Variants in NID2 observed in about 807,000 individuals in gnomAD.
The protein encoded by NID2 is nidogen 2.
NID2 carries 83 observed loss-of-function variants against 145.4 expected under a neutral mutation model. The ratio of observed to expected loss-of-function variants is 0.57; its 90% confidence interval spans 0.48 to 0.69. The LOEUF (loss-of-function observed/expected upper bound fraction) is 0.69. Ranked by LOEUF, NID2 falls within the 30% of genes least tolerant of loss-of-function variation. NID2 has a pLI of 0.00. For missense variants in NID2, 1,807 were observed against 1,765.7 expected (o/e 1.02, Z -0.42); for synonymous variants, 739 against 701.3 (o/e 1.05, Z -0.85).
chr14:52,040,009 C>A (rs886288403), intron 8 of NID2, among the ~76,000 whole-genome samples: 1 of 152,182 alleles, frequency 6.6e-6, no homozygotes, highest in Admixed American at 6.5e-5. Flanking sequence ...GGCACAATCT[C>A]GGCTCACTGC....
intron 9 of NID2, among the ~76,000 whole-genome samples, chr14:52,033,691 C>T (rs1891957513): frequency 6.6e-6 from 1 of 152,190 alleles, no homozygotes; most frequent in African/African-American, 2.4e-5. Flanking sequence ...AAAGAAAAAA[C>T]TTTTGGGTGT....
intron 19 of NID2, chr14:52,006,988 C>A: frequency 5.5e-6 from 1 of 181,414 alleles, no homozygotes; most frequent in Non-Finnish European, 1.2e-5. Context: ...TGGGTAAATA[C>A]TTGCCCTTTG....
At chr14:52,026,273 C>A (rs1891583024) in intron 12 of NID2, among the ~76,000 whole-genome samples, 1 of 152,214 alleles carries the variant, frequency 6.6e-6, no homozygotes, top group African/African-American at 2.4e-5. Context: ...CCAGGAATTG[C>A]AAAGCTGTTC....
chr14:52,041,787 A>C (rs1314796889), intron 7 of NID2, among the ~76,000 whole-genome samples: 1 of 152,224 alleles, frequency 6.6e-6, no homozygotes, highest in Non-Finnish European at 1.5e-5. Context: ...CATTTGACAG[A>C]TCTGTGCATA....
At position 52,038,773 on chromosome 14, in the gene NID2, A is replaced by G. The variant is rs988004444; in HGVS notation, c.2231T>C (p.Val744Ala). The G allele has an allele frequency of 3.8e-6, 6 of 1,592,926 alleles. No homozygotes were observed. The highest frequency in any genetic ancestry group is 5.1e-6 in the Non-Finnish European group (6 of 1,169,844). ...NDEERVLRFA[V>A]TNQIGPVKED... is the part of the protein sequence containing the mutation. ...TTTGACCGGGCCAATTTGATTGGTC[A>G]CAGCAAATCTAAGCACTCTTTCTTC... The change falls in exon 9 of 22, where the codon GTG becomes GCG. Residue 744 changes from valine to alanine, a missense_variant. By Grantham distance (64) the Val-to-Ala change is moderately conservative. Coordinates refer to ENST00000216286, the MANE Select transcript of NID2 (RefSeq NM_007361.4).
At chr14:52,015,610 G>A (rs1891190914) in intron 14 of NID2, among the ~76,000 whole-genome samples, 2 of 152,190 alleles carry the variant, frequency 1.3e-5, no homozygotes, top group African/African-American at 4.8e-5. Context: ...CTGGCCAGGA[G>A]AGGCCCACAA....
intron 9 of NID2, among the ~76,000 whole-genome samples, chr14:52,037,221 T>G (rs1892104626): frequency 1.3e-5 from 2 of 152,310 alleles, no homozygotes; most frequent in African/African-American, 2.4e-5. Context: ...AACAATAGTT[T>G]AAAAGACTAT....
chr14:52,048,987 G>A (rs754349725), intron 5 of NID2, among the ~76,000 whole-genome samples: 13 of 152,068 alleles, frequency 8.5e-5, no homozygotes, highest in Non-Finnish European at 1.6e-4. Context: ...GCCTCCTCTG[G>A]GACCCACACT....
At chr14:52,047,825 T>C (rs1450612125) in intron 5 of NID2, among the ~76,000 whole-genome samples, 1 of 151,972 alleles carries the variant, frequency 6.6e-6, no homozygotes, top group Non-Finnish European at 1.5e-5. Context: ...GAATAACAAC[T>C]TACACCCTCA....
rs144734532 is a variant in NID2, at chr14:52,024,661, A to G, written c.2674+2540T>C. Among the ~76,000 whole-genome samples the G allele has an allele frequency of 1.2e-3, 185 of 152,320 alleles. 3 individuals are homozygous for G. Among genetic ancestry groups the G allele is most frequent in the East Asian group, 7.3e-3 (38 of 5,182 alleles). On this transcript the variant is annotated intron_variant, in intron 12 of 21. Transcript: ENST00000216286. ...TTTATTATACAGCAATAGATAACCA[A>G]TACACTGGGGGAAGCACCTGATGGG...
chr14:52,030,644 A>T (rs956418577), intron 9 of NID2, among the ~76,000 whole-genome samples: 1 of 142,536 alleles, frequency 7.0e-6, no homozygotes, highest in African/African-American at 2.6e-5. Flanking sequence ...AAGAGAAAGA[A>T]AAAGAGAAAG....
intron 10 of NID2, among the ~76,000 whole-genome samples, 169 bp from the exon 11 acceptor site, chr14:52,029,019 A>T (rs1891701079): frequency 6.6e-6 from 1 of 152,256 alleles, no homozygotes; most frequent in African/African-American, 2.4e-5. Context: ...GATAATCAGA[A>T]ATAGTAAAAA....
intron 11 of NID2, among the ~76,000 whole-genome samples, chr14:52,028,279 T>TCTG (rs1566753337): frequency 2.7e-5 from 1 of 37,190 alleles, no homozygotes; most frequent in African/African-American, 7.1e-5. Flanking sequence ...TGTTGTTTTT[T>TCTG]TTTTTGTTTT....
At position 52,023,069 on chromosome 14, in the gene NID2, C is replaced by T. The variant is rs10129524; in HGVS notation, c.2675-2891G>A. Among the ~76,000 whole-genome samples, 1,295 of 152,338 alleles carry T rather than the reference C, an allele frequency of 8.5e-3. 17 individuals are homozygous for T. The highest frequency in any genetic ancestry group is 0.03 in the African/African-American group (1,235 of 41,560). On this transcript the variant is annotated intron_variant, in intron 12 of 21. Transcript: ENST00000216286. ...TACTTCCTTTCAAGCTTCATCCTTG[C>T]CTCCTCCTATAACCACACTGATTTT...
chr14:52,046,365 A>G (rs1235408929), intron 5 of NID2, among the ~76,000 whole-genome samples: 1 of 151,432 alleles, frequency 6.6e-6, no homozygotes, highest in Non-Finnish European at 1.5e-5. Flanking sequence ...ATATTCAGAT[A>G]AAAATCAATC....
At chr14:52,057,878 A>G (rs1327222110) in intron 3 of NID2, among the ~76,000 whole-genome samples, 1 of 152,190 alleles carries the variant, frequency 6.6e-6, no homozygotes, top group Non-Finnish European at 1.5e-5. Flanking sequence ...AAAGTGAAAT[A>G]GAAGATTATA....
chr14:52,054,121 T>A lies in NID2; in HGVS notation c.968A>T (p.Glu323Val), dbSNP rs1360234315. 1 of 1,614,026 alleles carries A rather than the reference T, an allele frequency of 6.2e-7. No individual in the cohort carries two copies. Among genetic ancestry groups the A allele is most frequent in the African/African-American group, 1.3e-5 (1 of 74,906 alleles). Residue 323 changes from glutamate to valine, a missense_variant, in exon 4 of 22, where the codon GAG becomes GTG. Transcript: ENST00000216286. ...DNLDYYDVNE[E>V]EAEYLPGEPE... ...TTCACCCGGAAGGTATTCAGCTTCC[T>A]CCTCATTCACATCATAGTAATCCAA... is the stretch of plus-strand genomic sequence containing the variant.
At chr14:52,059,755 A>G (rs1292177462) in intron 3 of NID2, among the ~76,000 whole-genome samples, 1 of 152,250 alleles carries the variant, frequency 6.6e-6, no homozygotes, top group Non-Finnish European at 1.5e-5. Context: ...AAAAGACTAA[A>G]TCACAATGTT....
At position 52,041,684 on chromosome 14, in the gene NID2, C is replaced by T. The variant is rs986753891; in HGVS notation, c.1825+421G>A. Among the ~76,000 whole-genome samples the T allele has an allele frequency of 1.1e-4, 17 of 152,244 alleles. No individual in the cohort carries two copies. In the South Asian group the frequency reaches 1.9e-3, roughly 17 times the overall value. The stretch of plus-strand genomic sequence containing the variant: ...CAGGTTCAAGTCTGGGGTGCACCGG[C>T]CTATACTATTATAGGTTGTGGAGCT... On this transcript the variant is annotated intron_variant, in intron 7 of 21. Coordinates refer to ENST00000216286, the MANE Select transcript of NID2 (RefSeq NM_007361.4).
Sources: gnomAD v4.1 joint callset for allele counts (sites outside exome capture counted in the v4.1 genomes callset) on GRCh38, gnomAD v4.1.1 for gene constraint, MANE v1.5 for transcripts, NCBI Gene and HGNC (gene_info 2026-07-23, HGNC 2026-07-21) for gene names.